Variants in TVP23C observed in about 807,000 individuals in gnomAD.
TVP23C encodes trans-golgi network vesicle protein 23 homolog C, also known as Golgi apparatus membrane protein TVP23 homolog C.
A neutral mutation model predicts 28.7 loss-of-function variants in TVP23C; 19 were observed. The ratio of observed to expected loss-of-function variants is 0.66; its 90% CI spans 0.46 to 0.97. The LOEUF is 0.97. Ranked by LOEUF, TVP23C falls within the 50% of genes least tolerant of loss-of-function variation. The pLI, the probability that TVP23C is intolerant of heterozygous loss-of-function variation, is 0.00. For synonymous variants in TVP23C, 68 were observed against 81.7 expected (o/e 0.83, Z 0.90); for missense variants, 186 against 241.3 (o/e 0.77, Z 1.52).
intron 5 of TVP23C, among the ~76,000 whole-genome samples, chr17:15,506,378 C>G (rs1365979808): frequency 1.3e-5 from 2 of 152,130 alleles, no homozygotes; most frequent in Non-Finnish European, 2.9e-5. Flanking sequence ...CCAGTCGACA[C>G]TCTGTATCTA....
chr17:15,505,676 A>G (rs529894480), intron 5 of TVP23C, among the ~76,000 whole-genome samples: 80 of 152,274 alleles, frequency 5.3e-4, no homozygotes, highest in Admixed American at 2.0e-3. Context: ...CCACTCCCTC[A>G]GCTTGCAGGG....
At chr17:15,559,392 A>G (rs1251103042) in intron 1 of TVP23C, among the ~76,000 whole-genome samples, 1 of 147,992 alleles carries the variant, frequency 6.8e-6, no homozygotes, top group Non-Finnish European at 1.5e-5. Context: ...AAGACCATGG[A>G]CACAAAAGAT....
At chr17:15,514,660 C>T (rs763284993) in intron 5 of TVP23C, among the ~76,000 whole-genome samples, 2 of 152,094 alleles carry the variant, frequency 1.3e-5, no homozygotes, top group East Asian at 1.9e-4. Flanking sequence ...ACTGGTAAAA[C>T]GGAGAGAGTT....
chr17:15,522,261 C>T (rs967828963), intron 5 of TVP23C, among the ~76,000 whole-genome samples: 7 of 152,064 alleles, frequency 4.6e-5, no homozygotes, highest in African/African-American at 1.7e-4. Flanking sequence ...AAAGGAAATT[C>T]ACAAATATGA....
At chr17:15,545,991 C>T (rs1597537747) in intron 4 of TVP23C, 75 bp from the exon 5 acceptor site, 3 of 1,551,212 alleles carry the variant, frequency 1.9e-6, no homozygotes, top group Non-Finnish European at 1.7e-6. Context: ...TAATAAAAAA[C>T]ATATTACCCA....
At chr17:15,534,524 T>G (rs905045684), downstream of TVP23C, among the ~76,000 whole-genome samples, 8 of 150,450 alleles carry the variant, frequency 5.3e-5, no homozygotes, top group African/African-American at 1.7e-4. Flanking sequence ...AAGAGTTATA[T>G]AGATTTAAAA....
Position 15,537,891 on chromosome 17 carries a change from C to A in TVP23C, c.*2521G>T. 2.1e-6 allele frequency: 3 copies of A among 1,419,438 alleles called. No homozygotes were observed. The highest frequency in any genetic ancestry group is 2.8e-6 in the Non-Finnish European group (3 of 1,088,976). The allele number at this position is 1,419,438 out of a possible 1,614,324, so 87.9% of individuals were successfully genotyped here. Reference sequence around the variant, plus strand: ...TACCTATGGAATGTGCATACCTACACCACAGAACAAATCTTAACAATGTTT... The same window carrying A: ...TACCTATGGAATGTGCATACCTACAACACAGAACAAATCTTAACAATGTTT... On this transcript the variant is annotated 3_prime_UTR_variant, in exon 6 of 6. Coordinates refer to ENST00000518321, the MANE Select transcript of TVP23C (RefSeq NM_001135036.2).
In TVP23C at chr17:15,538,150, T is replaced by G; in HGVS notation, c.*2262A>C. 1.2e-6 allele frequency: 2 copies of G among 1,613,774 alleles called. No individual in the cohort carries two copies. Among genetic ancestry groups the G allele is most frequent in the Non-Finnish European group, 1.7e-6 (2 of 1,179,840 alleles). ...ATTCAGGAAGTCTGATCATCTCCAG[T>G]GTTCCGCAAAAGACAAAAAAAGAAC... is the stretch of plus-strand genomic sequence containing the variant. On this transcript the variant is annotated 3_prime_UTR_variant, in exon 6 of 6. Coordinates refer to ENST00000518321, the MANE Select transcript of TVP23C (RefSeq NM_001135036.2).
At chr17:15,508,375 T>C (rs933342463) in intron 5 of TVP23C, among the ~76,000 whole-genome samples, 2 of 152,176 alleles carry the variant, frequency 1.3e-5, no homozygotes, top group East Asian at 1.9e-4. Flanking sequence ...CTGGAAGGAA[T>C]AGAGAGAAAT....
At position 15,512,510 on chromosome 17, in the gene TVP23C, T is replaced by C. The variant is rs543146340; in HGVS notation, c.463-9278A>G. Among the ~76,000 whole-genome samples the C allele has an allele frequency of 1.1e-4, 17 of 152,286 alleles. No homozygotes were observed. In the South Asian group the frequency reaches 2.5e-3, roughly 22 times the overall value. On this transcript the variant is annotated intron_variant, in intron 5 of 5. Transcript: ENST00000225576. ...GACAACACTCAAACAATCCCTGCAA[T>C]GTTCGAAGGTTCATAAGAAAGGAGA...
intron 5 of TVP23C, among the ~76,000 whole-genome samples, chr17:15,545,314 C>A (rs1258200866): frequency 6.6e-6 from 1 of 152,184 alleles, no homozygotes; most frequent in South Asian, 2.1e-4. Flanking sequence ...CATGGAAAAA[C>A]ATGTGGAGAG....
At chr17:15,556,947 C>G (rs1738181247) in intron 1 of TVP23C, among the ~76,000 whole-genome samples, 2 of 151,354 alleles carry the variant, frequency 1.3e-5, no homozygotes, top group South Asian at 4.2e-4. Context: ...CCCCTACTTG[C>G]TTCTGACACT....
chr17:15,503,371 C>A, intron 5 of TVP23C: 1 of 1,078,492 alleles, frequency 9.3e-7, no homozygotes, highest in South Asian at 1.8e-5. Context: ...CGCCACTGCA[C>A]TCCAGCCTGG....
At chr17:15,515,777 A>G (rs750759795) in intron 5 of TVP23C, among the ~76,000 whole-genome samples, 30 of 152,122 alleles carry the variant, frequency 2.0e-4, no homozygotes, top group Non-Finnish European at 3.4e-4. Flanking sequence ...CCCGAGCAAG[A>G]TGAATGAATG....
chr17:15,545,607 C>T (rs1376799389), intron 5 of TVP23C, among the ~76,000 whole-genome samples, 178 bp downstream of exon 5: 1 of 152,292 alleles, frequency 6.6e-6, no homozygotes, highest in Non-Finnish European at 1.5e-5. Flanking sequence ...TTTTTAGGAT[C>T]TCTTCTCCAG....
At chr17:15,523,619 T>A (rs1258651004) in intron 5 of TVP23C, among the ~76,000 whole-genome samples, 8 of 151,496 alleles carry the variant, frequency 5.3e-5, no homozygotes, top group Non-Finnish European at 7.4e-5. Flanking sequence ...GAAGATTTTT[T>A]TTTTTTCTTT....
At chr17:15,557,426 G>T (rs1984183730) in intron 1 of TVP23C, among the ~76,000 whole-genome samples, 2 of 146,772 alleles carry the variant, frequency 1.4e-5, no homozygotes, top group Admixed American at 1.4e-4. Flanking sequence ...CTGAGTAACT[G>T]GGATTACAGG....
chr17:15,539,159 C>A lies in TVP23C; in HGVS notation c.*1253G>T. ...AATGCAAATTATGAGACTCCACCCC[C>A]AGATCTACTGAATAAGGAGTCTGGA... On this transcript the variant is annotated 3_prime_UTR_variant, in exon 6 of 6. Transcript: ENST00000518321. The A allele has an allele frequency of 1.1e-6, 1 of 947,092 alleles. No homozygotes were observed. The highest frequency in any genetic ancestry group is 1.3e-6 in the Non-Finnish European group (1 of 795,122). 58.7% of individuals were successfully genotyped at this position (947,092 alleles called of 1,614,324 possible).
chr17:15,560,558 GTTTT>G (rs905601881), intron 1 of TVP23C, among the ~76,000 whole-genome samples: 2 of 148,594 alleles, frequency 1.3e-5, no homozygotes, highest in Non-Finnish European at 3.0e-5. Context: ...TGTCAAGTTT[GTTTT>G]TTTTGTTTGT....
Sources: gnomAD v4.1 joint callset for allele counts (sites outside exome capture counted in the v4.1 genomes callset) on GRCh38, gnomAD v4.1.1 for gene constraint, MANE v1.5 for transcripts, NCBI Gene and HGNC (gene_info 2026-07-23, HGNC 2026-07-21) for gene names.